Variants in TECTA observed in about 807,000 individuals in gnomAD.
TECTA encodes tectorin alpha.
A neutral mutation model predicts 216.8 loss-of-function variants in TECTA; 128 were observed. That is an observed-to-expected ratio of 0.59 (90% CI 0.51 to 0.68). The LOEUF (loss-of-function observed/expected upper bound fraction) is 0.68, where lower values mean the gene tolerates loss of function less well. Ranked by LOEUF, TECTA falls within the 30% of genes least tolerant of loss-of-function variation. The pLI, the probability that TECTA is intolerant of heterozygous loss-of-function variation, is 0.00. For missense variants in TECTA, 2,551 were observed against 2,786.2 expected, an observed-to-expected ratio of 0.92 and a Z score of 1.90; for synonymous variants, 1,089 against 1,117.1, an observed-to-expected ratio of 0.97 and a Z score of 0.50.
At chr11:121,131,213 CAAAAA>C (rs10683692) in intron 10 of TECTA, among the ~76,000 whole-genome samples, 3 of 70,818 alleles carry the variant, frequency 4.2e-5, no homozygotes, top group African/African-American at 5.9e-5. Context: ...GACTCCATCT[CAAAAA>C]AAAAAAAAAA....
intron 2 of TECTA, among the ~76,000 whole-genome samples, chr11:121,104,476 T>A (rs575871916): frequency 6.6e-6 from 1 of 152,276 alleles, no homozygotes; most frequent in South Asian, 2.1e-4. Flanking sequence ...TTAGTTTTGC[T>A]GCTCTCCTTG....
In TECTA at chr11:121,128,110, C is replaced by G. The variant is rs1946632919; in HGVS notation, c.2133C>G (p.Thr711=). The G allele has an allele frequency of 1.2e-6, 2 of 1,612,890 alleles. No individual in the cohort carries two copies. The highest frequency in any genetic ancestry group is 1.1e-5 in the South Asian group (1 of 91,094). The part of the protein sequence containing the change: ...GYQGCFPKRE[T]VCLLSQNQVL... Reference sequence around the variant, plus strand: ...AGGGCTGCTTCCCCAAGCGGGAGACCGTGTGCCTGCTCAGCCAGAACCAGG... The same window carrying G: ...AGGGCTGCTTCCCCAAGCGGGAGACGGTGTGCCTGCTCAGCCAGAACCAGG... The change falls in exon 9 of 24, where the codon ACC becomes ACG. Residue 711 remains threonine, a synonymous_variant. Coordinates refer to ENST00000392793, the MANE Select transcript of TECTA (RefSeq NM_005422.4).
At position 121,127,462 on chromosome 11, in the gene TECTA, C is replaced by A. The variant is rs1292274746; in HGVS notation, c.1775-290C>A. Among the ~76,000 whole-genome samples, 1 of 151,758 alleles carries A rather than the reference C, an allele frequency of 6.6e-6. No individual in the cohort carries two copies. The highest frequency in any genetic ancestry group is 2.4e-5 in the African/African-American group (1 of 41,298). On this transcript the variant is annotated intron_variant, in intron 8 of 23. Coordinates refer to ENST00000392793, the MANE Select transcript of TECTA (RefSeq NM_005422.4). This position sits in a 1 kb window ranked among gnomAD's most constrained non-coding sequence, Gnocchi z 5.0. ...TAGTGTGGATCATCAAATAATAAAC[C>A]TATATTGGGTAATCAGTAGTCTAGA...
rs116040847 is a variant in TECTA at position 121,144,912 on chromosome 11, G to A, written c.3544-643G>A. On this transcript the variant is annotated intron_variant, in intron 11 of 23. Coordinates refer to ENST00000392793, the MANE Select transcript of TECTA (RefSeq NM_005422.4). ...GTGTGCTGCAATACAGTGTATGCAGGCTTGATCCTGGCCAGCGGTAGAGAG... is the reference window on the plus strand; with the variant it reads ...GTGTGCTGCAATACAGTGTATGCAGACTTGATCCTGGCCAGCGGTAGAGAG... Among the ~76,000 whole-genome samples, 160 of 152,280 alleles carry A rather than the reference G, an allele frequency of 1.1e-3. 1 individual carries two copies. Among genetic ancestry groups the A allele is most frequent in the African/African-American group, 3.8e-3 (156 of 41,546 alleles).
In TECTA at chr11:121,125,815, C is replaced by T; in HGVS notation, c.1717C>T (p.Leu573Phe). 6.2e-7 allele frequency: 1 copy of T among 1,613,774 alleles called. No homozygotes were observed. Among genetic ancestry groups the T allele is most frequent in the Non-Finnish European group, 8.5e-7 (1 of 1,180,052 alleles). The change falls in exon 8 of 24, where the codon CTT becomes TTT. Residue 573 changes from leucine to phenylalanine, a missense_variant. Leu to Phe is a conservative substitution (Grantham distance 22). Coordinates refer to ENST00000392793, the MANE Select transcript of TECTA (RefSeq NM_005422.4). ...LLCQAIQAYA[L>F]VCQALGIPIG... ...CTGCCAAGCCATCCAGGCCTATGCT[C>T]TTGTGTGCCAAGCCCTTGGCATTCC...
Position 121,190,791 on chromosome 11 carries a change from A to T in TECTA, c.6453A>T (p.Ser2151=). The T allele has an allele frequency of 6.2e-7, 1 of 1,612,606 alleles. No homozygotes were observed. The highest frequency in any genetic ancestry group is 8.5e-7 in the Non-Finnish European group (1 of 1,179,064). The stretch of plus-strand genomic sequence containing the variant: ...CATTATGGCATTTTGTCTATAAATC[A>T]GGCACGACCTCATAATTAACTCAAG... ...QISLWHFVYK[S]GTTS Residue 2151 remains serine, a synonymous_variant, in exon 24 of 24, where the codon TCA becomes TCT. Transcript: ENST00000392793.
At chr11:121,176,142 A>G (rs1226600549) in intron 20 of TECTA, among the ~76,000 whole-genome samples, 6 of 151,386 alleles carry the variant, frequency 4.0e-5, no homozygotes, top group African/African-American at 1.2e-4. Context: ...TCTTTATCCA[A>G]TTTGCCAGTC....
rs202088899 is a variant in TECTA, at chr11:121,109,293, C to A, written c.281C>A (p.Ala94Asp). The A allele has an allele frequency of 6.2e-6, 10 of 1,614,036 alleles. No individual in the cohort carries two copies. The highest frequency in any genetic ancestry group is 4.0e-5 in the African/African-American group (3 of 74,912). ...PESFPLTDGR[A>D]FVAPFWADVH... The stretch of plus-strand genomic sequence containing the variant: ...TCCTTTCCCCTGACAGATGGGAGAG[C>A]CTTCGTCGCCCCATTTTGGGCAGAT... The change falls in exon 4 of 24, where the codon GCC becomes GAC. Residue 94 changes from alanine (A) to aspartate (D), a missense_variant. This residue lies in a region of TECTA where 2,375 missense variants were observed against 2,563.9 expected (regional missense o/e 0.93). Transcript: ENST00000392793.
intron 15 of TECTA, 120 bp downstream of exon 15, chr11:121,160,541 G>A: frequency 7.1e-7 from 1 of 1,403,512 alleles, no homozygotes; most frequent in African/African-American, 1.4e-5. Context: ...ACAGAGACGA[G>A]CCAAAGCTCT....
chr11:121,160,181 C>T lies in TECTA; in HGVS notation c.4736C>T (p.Thr1579Ile). 6.2e-7 allele frequency: 1 copy of T among 1,614,180 alleles called. No individual in the cohort carries two copies. Among genetic ancestry groups the T allele is most frequent in the Middle Eastern group, 1.7e-4 (1 of 6,060 alleles). ...GTTCCATTTATAACTGGTTTGGCAA[C>T]CAAAATCTACAGCAGTGAGGGGTTT... ...VNVPFITGLA[T>I]KIYSSEGFLV... Residue 1579 changes from threonine (T) to isoleucine (I), a missense_variant, in exon 15 of 24, where the codon ACC (threonine) becomes ATC (isoleucine). Thr to Ile is a moderately conservative substitution (Grantham distance 89). Transcript: ENST00000392793.
rs374433001 is a variant in TECTA at position 121,130,219 on chromosome 11, G to A, written c.2941+8G>A. The A allele has an allele frequency of 5.6e-6, 9 of 1,599,600 alleles. No homozygotes were observed. Among genetic ancestry groups the A allele is most frequent in the Non-Finnish European group, 7.6e-6 (9 of 1,179,862 alleles). On this transcript the variant is annotated splice_region_variant and intron_variant, in intron 10 of 23. Coordinates refer to ENST00000392793, the MANE Select transcript of TECTA (RefSeq NM_005422.4). ...GGACCTATGACTTCTGCCGTAAGTT[G>A]GGGTTGGATTCTGGGAGAGGCTTTC...
chr11:121,188,131 G>C, intron 21 of TECTA, 137 bp downstream of exon 21: 2 of 849,724 alleles, frequency 2.4e-6, no homozygotes, highest in Admixed American at 4.6e-5. Flanking sequence ...TCTTTGATGG[G>C]ACAGTGAGAG....
chr11:121,162,365 A>G lies in TECTA; in HGVS notation c.5267A>G (p.Asn1756Ser). Residue 1756 changes from asparagine to serine, a missense_variant, in exon 16 of 24, where the codon AAT becomes AGT. Transcript: ENST00000392793. The stretch of plus-strand genomic sequence containing the variant: ...AGCACCGAGTGGATTGAGAAGGAGA[A>G]TTGCTGTAAGAGAATTATTTTATTT... Reference protein sequence around the residue: ...ILSTEWIEKENCSGVVEDPCV... With the variant: ...ILSTEWIEKESCSGVVEDPCV... 1.2e-6 allele frequency: 2 copies of G among 1,612,848 alleles called. No homozygotes were observed. Among genetic ancestry groups the G allele is most frequent in the South Asian group, 2.2e-5 (2 of 91,084 alleles).
intron 11 of TECTA, among the ~76,000 whole-genome samples, chr11:121,143,617 A>C (rs904516179): frequency 2.0e-5 from 3 of 152,230 alleles, no homozygotes; most frequent in Non-Finnish European, 4.4e-5. Flanking sequence ...GCTTTATTCC[A>C]GCCTTTAGCA....
chr11:121,177,817 G>A (rs900809393), intron 20 of TECTA, among the ~76,000 whole-genome samples: 23 of 152,226 alleles, frequency 1.5e-4, no homozygotes, highest in Admixed American at 7.2e-4. Flanking sequence ...TCCTTGAGCT[G>A]TGGTGGGCTC....
chr11:121,177,308 A>G (rs1947177483), intron 20 of TECTA, among the ~76,000 whole-genome samples: 1 of 152,018 alleles, frequency 6.6e-6, no homozygotes, highest in Non-Finnish European at 1.5e-5. Flanking sequence ...TTGTGGTTTT[A>G]TCTACTTTTG....
intron 16 of TECTA, among the ~76,000 whole-genome samples, chr11:121,164,801 T>C (rs1204601529): frequency 6.6e-6 from 1 of 152,212 alleles, no homozygotes; most frequent in Admixed American, 6.5e-5. Flanking sequence ...ATGTTCATTA[T>C]TGGCACGTAT....
At chr11:121,188,904 C>T (rs764482336) in intron 21 of TECTA, among the ~76,000 whole-genome samples, 176 bp from the exon 22 acceptor site, 4 of 152,192 alleles carry the variant, frequency 2.6e-5, no homozygotes, top group Non-Finnish European at 4.4e-5. Flanking sequence ...TTCTGTTCAA[C>T]ATACAGCCTA....
chr11:121,155,706 C>T (rs2135117973), intron 13 of TECTA, among the ~76,000 whole-genome samples: 1 of 152,236 alleles, frequency 6.6e-6, no homozygotes, highest in Non-Finnish European at 1.5e-5. Context: ...CTGGATAACG[C>T]TATTTTGGTA....
Sources: gnomAD v4.1 joint callset for allele counts (sites outside exome capture counted in the v4.1 genomes callset) on GRCh38, gnomAD v4.1.1 for gene constraint, gnomAD v4.1.1 regional missense constraint, Gnocchi (gnomAD v3.1) non-coding constraint, MANE v1.5 for transcripts, NCBI Gene and HGNC (gene_info 2026-07-23, HGNC 2026-07-21) for gene names.